Variants in AGBL1 observed in about 807,000 individuals in gnomAD.
The protein encoded by AGBL1 is cytosolic carboxypeptidase 4.
A neutral mutation model predicts 118.9 loss-of-function variants in AGBL1; 130 were observed. The ratio of observed to expected loss-of-function variants is 1.09; its 90% confidence interval spans 0.95 to 1.26. The LOEUF (loss-of-function observed/expected upper bound fraction) is 1.26. AGBL1 is among the 50% of genes most tolerant of loss of function. The pLI is 0.00. For missense variants in AGBL1, 1,584 were observed against 1,298.1 expected (o/e 1.22, Z -3.38); for synonymous variants, 555 against 478.9 (o/e 1.16, Z -2.08).
intron 24 of AGBL1, among the ~76,000 whole-genome samples, chr15:86,994,605 C>T (rs1342928764): frequency 6.6e-6 from 1 of 152,034 alleles, no homozygotes; most frequent in African/African-American, 2.4e-5. Flanking sequence ...TATTTCTAGG[C>T]AAGTAGATCA....
At chr15:86,714,149 G>C (rs74979644) in intron 22 of AGBL1, among the ~76,000 whole-genome samples, 1 of 152,060 alleles carries the variant, frequency 6.6e-6, no homozygotes, top group African/African-American at 2.4e-5. Flanking sequence ...AGGGAAAGGG[G>C]TGCATATAAA....
intron 18 of AGBL1, among the ~76,000 whole-genome samples, chr15:86,409,638 C>T (rs935054620): frequency 6.6e-6 from 1 of 152,072 alleles, no homozygotes; most frequent in African/African-American, 2.4e-5. Flanking sequence ...TAAATGCTGC[C>T]AAATTCTAAT....
At chr15:86,878,329 A>T (rs774706536) in intron 22 of AGBL1, among the ~76,000 whole-genome samples, 7 of 152,202 alleles carry the variant, frequency 4.6e-5, no homozygotes, top group Admixed American at 6.5e-5. Context: ...AGGCAGCCAC[A>T]GACAATACAA....
chr15:86,687,772 A>G (rs531264180), intron 22 of AGBL1, among the ~76,000 whole-genome samples: 1 of 152,280 alleles, frequency 6.6e-6, no homozygotes, highest in African/African-American at 2.4e-5. Context: ...TTTAATTTAT[A>G]TAATTCTTCA....
At chr15:86,708,458 C>G (rs80331198) in intron 22 of AGBL1, among the ~76,000 whole-genome samples, 2,090 of 152,240 alleles carry the variant, frequency 0.014, 38 homozygotes, top group East Asian at 0.089. Flanking sequence ...TCTTGGACTT[C>G]AGGCCACCAT....
rs371462997 is a variant in AGBL1, at chr15:86,279,730, G to A, written c.2167G>A (p.Glu723Lys). 2.5e-6 allele frequency: 4 copies of A among 1,613,686 alleles called. No homozygotes were observed. Among genetic ancestry groups the A allele is most frequent in the Non-Finnish European group, 2.5e-6 (3 of 1,179,782 alleles). ...LTFAVTFPHSEDVCYLAYHYP... is the reference protein window; with the variant it reads ...LTFAVTFPHSKDVCYLAYHYP... ...CTTTGCTGTCACCTTCCCACACAGT[G>A]AGGATGTCTGCTACCTGGCCTACCA... is the stretch of plus-strand genomic sequence containing the variant. Residue 723 changes from glutamate (E) to lysine (K), a missense_variant, in exon 16 of 23, where the codon GAG becomes AAG. By Grantham distance (56) the Glu-to-Lys change is moderately conservative. Coordinates refer to ENST00000614907, the MANE Select transcript of AGBL1 (RefSeq NM_001386094.1).
In AGBL1 at chr15:86,799,125, T is replaced by G. The variant is rs146407111; in HGVS notation, c.3159-107962T>G. On this transcript the variant is annotated intron_variant, in intron 22 of 22. Transcript: ENST00000614907. ...GTAAGACAGTTCTCTCTGGTTCCTT[T>G]TGTTTGTATCTGAATGCAATTGTAA... Among the ~76,000 whole-genome samples, 932 of 152,070 alleles carry G rather than the reference T, an allele frequency of 6.1e-3. 30 individuals are homozygous for G. The highest frequency in any genetic ancestry group is 0.055 in the Admixed American group (841 of 15,238).
chr15:86,593,331 C>A (rs1274070986), intron 21 of AGBL1, among the ~76,000 whole-genome samples: 1 of 151,308 alleles, frequency 6.6e-6, no homozygotes, highest in African/African-American at 2.4e-5. Flanking sequence ...ACTTAGAAAC[C>A]AAGATCTGTG....
At chr15:86,676,686 CTCTT>C (rs758665096) in intron 22 of AGBL1, among the ~76,000 whole-genome samples, 6 of 152,144 alleles carry the variant, frequency 3.9e-5, no homozygotes, top group Non-Finnish European at 8.8e-5. Flanking sequence ...CTCCTCCTGC[CTCTT>C]TCTTTGACAT....
rs1397704151 is a variant in AGBL1 at position 86,338,393 on chromosome 15, TAGC to T, written c.2374+42988_2374+42990del. 4.6e-5 allele frequency among the ~76,000 whole-genome samples: 7 copies of T among 152,268 alleles called. No homozygotes were observed. The East Asian group carries it at 1.2e-3, about 25-fold the overall frequency. Reference sequence around the variant, plus strand: ...CGAGGGCAGTTTCTGCAGACACTGGTAGCAGTTGTAGGGATGCTGGCTTTTTCT... The same window carrying T: ...CGAGGGCAGTTTCTGCAGACACTGGTAGTTGTAGGGATGCTGGCTTTTTCT... On this transcript the variant is annotated intron_variant, in intron 17 of 22. Transcript: ENST00000614907.
At chr15:86,540,328 T>C (rs1264903004) in intron 19 of AGBL1, among the ~76,000 whole-genome samples, 1 of 152,146 alleles carries the variant, frequency 6.6e-6, no homozygotes, top group Non-Finnish European at 1.5e-5. Context: ...GAGCGGTGGC[T>C]CACACCTGTA....
At chr15:86,451,396 A>T (rs969324559) in intron 18 of AGBL1, among the ~76,000 whole-genome samples, 3 of 152,234 alleles carry the variant, frequency 2.0e-5, no homozygotes, top group African/African-American at 7.2e-5. Context: ...AAAGTTGTTT[A>T]AAAGAAATAC....
chr15:86,827,509 A>G (rs1284250507), intron 22 of AGBL1, among the ~76,000 whole-genome samples: 5 of 66,594 alleles, frequency 7.5e-5, no homozygotes, highest in African/African-American at 1.9e-4. Context: ...ATATATATAT[A>G]TATATATATA....
chr15:86,356,490 G>T (rs2080722888), intron 17 of AGBL1, among the ~76,000 whole-genome samples: 1 of 152,044 alleles, frequency 6.6e-6, no homozygotes, highest in South Asian at 2.1e-4. Context: ...AAATAATAAG[G>T]GTGGCCTTGT....
chr15:86,733,243 G>T (rs376769001), intron 22 of AGBL1, among the ~76,000 whole-genome samples: 14 of 152,056 alleles, frequency 9.2e-5, no homozygotes, highest in African/African-American at 3.1e-4. Context: ...AGGGGTGGGG[G>T]TAGAGCTTGC....
chr15:86,341,926 C>G (rs535510484), intron 17 of AGBL1, among the ~76,000 whole-genome samples: 8 of 152,174 alleles, frequency 5.3e-5, no homozygotes, highest in African/African-American at 1.7e-4. Flanking sequence ...GCTAGTCCTT[C>G]CAGAGTGAAT....
intron 22 of AGBL1, among the ~76,000 whole-genome samples, chr15:86,855,188 G>A (rs940444125): frequency 2.0e-5 from 3 of 152,220 alleles, no homozygotes; most frequent in African/African-American, 4.8e-5. Flanking sequence ...TATATATTCA[G>A]TGGAAGATTC....
At chr15:86,334,868 G>A (rs181681441) in intron 17 of AGBL1, among the ~76,000 whole-genome samples, 7 of 152,100 alleles carry the variant, frequency 4.6e-5, no homozygotes, top group Admixed American at 1.3e-4. Flanking sequence ...TGACCAAGAC[G>A]ATGAAAGAAG....
At chr15:86,186,597 G>A (rs1465390676) in intron 5 of AGBL1, among the ~76,000 whole-genome samples, 2 of 152,192 alleles carry the variant, frequency 1.3e-5, no homozygotes, top group African/African-American at 4.8e-5. Context: ...TGCTATGGGA[G>A]TGCTGTTTTA....
Sources: allele counts gnomAD v4.1 joint callset (sites outside exome capture counted in the v4.1 genomes callset), GRCh38; gene constraint gnomAD v4.1.1; transcripts MANE v1.5; gene names NCBI Gene and HGNC (gene_info 2026-07-23, HGNC 2026-07-21).